Variants in KDM1A observed in about 807,000 individuals in gnomAD.
KDM1A encodes lysine-specific histone demethylase 1A.
KDM1A carries 49 observed loss-of-function variants against 109.4 expected under a neutral mutation model. The ratio of observed to expected loss-of-function variants is 0.45; its 90% CI spans 0.36 to 0.57. The LOEUF is 0.57. KDM1A is among the 20% of genes least tolerant of loss of function. The probability of loss-of-function intolerance (pLI) is 0.00; values close to 1 mark genes in which losing one functional copy is unlikely to be tolerated. For synonymous variants in KDM1A, 380 were observed against 415.4 expected (o/e 0.91, Z 1.04); for missense variants, 668 against 1,116.6 (o/e 0.60, Z 5.73).
At chr1:23,024,309 C>T (rs532393166) in intron 1 of KDM1A, among the ~76,000 whole-genome samples, 22 of 152,230 alleles carry the variant, frequency 1.4e-4, no homozygotes, top group African/African-American at 5.1e-4. Flanking sequence ...ACTATCCAGT[C>T]TTGGGATCCA....
At chr1:23,036,534 C>T (rs1557517013) in intron 2 of KDM1A, among the ~76,000 whole-genome samples, 1 of 131,408 alleles carries the variant, frequency 7.6e-6, no homozygotes, top group Non-Finnish European at 1.6e-5. Context: ...AAATACCTTA[C>T]TGGAGGGCTG....
chr1:23,055,018 T>C lies in KDM1A; in HGVS notation c.791-51T>C, dbSNP rs564982198. The C allele has an allele frequency of 1.4e-4, 166 of 1,147,654 alleles. 5 individuals are homozygous for C. In the South Asian group the frequency reaches 2.1e-3, roughly 15 times the overall value. The allele number at this position is 1,147,654 out of a possible 1,614,324, so 71.1% of individuals were successfully genotyped here. On this transcript the variant is annotated intron_variant, in intron 5 of 20. Coordinates refer to ENST00000400181, the MANE Select transcript of KDM1A (RefSeq NM_001009999.3). ...AGAAATGGAAGAGTTAGAAGAATAT[T>C]GTTTAAACTGCTGAAAATAAAACCG...
In KDM1A at chr1:23,080,463, G is replaced by A. The variant is rs529118354; in HGVS notation, c.2170+796G>A. On this transcript the variant is annotated intron_variant, in intron 18 of 20. Transcript: ENST00000400181. ...AGCCATTCTTACCTGTTGCCTGGAC[G>A]GTTACCAATAGCTACTACTGCTATT... Among the ~76,000 whole-genome samples the A allele has an allele frequency of 4.1e-4, 62 of 152,264 alleles. 2 individuals are homozygous for A. The South Asian group carries it at 0.011, about 26-fold the overall frequency.
intron 1 of KDM1A, among the ~76,000 whole-genome samples, chr1:23,023,524 A>T (rs2124337713): frequency 6.6e-6 from 1 of 152,108 alleles, no homozygotes; most frequent in East Asian, 1.9e-4. Context: ...TTATTTCTGG[A>T]CTCTCAACTC....
chr1:23,030,747 C>T, intron 2 of KDM1A, 113 bp downstream of exon 2: 1 of 1,141,288 alleles, frequency 8.8e-7, no homozygotes. Flanking sequence ...ATAATAAAGT[C>T]TGATATTGAG....
In KDM1A at chr1:23,067,536, T is replaced by C. The variant is rs572029545; in HGVS notation, c.1180-1003T>C. ...TCTGATTGTAAAAGGTCGCTCCTCC[T>C]GAGTCTTAGTGTTTACTAGAATTTG... is the stretch of plus-strand genomic sequence containing the variant. On this transcript the variant is annotated intron_variant, in intron 10 of 20. Transcript: ENST00000400181. 3.9e-5 allele frequency among the ~76,000 whole-genome samples: 6 copies of C among 152,368 alleles called. No homozygotes were observed. The South Asian group carries it at 1.2e-3, about 32-fold the overall frequency.
intron 14 of KDM1A, among the ~76,000 whole-genome samples, chr1:23,072,790 T>C (rs1470536451): frequency 6.6e-6 from 1 of 152,102 alleles, no homozygotes; most frequent in African/African-American, 2.4e-5. Flanking sequence ...GGATTACAGG[T>C]GCCCACCACC....
intron 15 of KDM1A, among the ~76,000 whole-genome samples, chr1:23,075,673 C>T (rs1175993835): frequency 6.6e-6 from 1 of 151,936 alleles, no homozygotes; most frequent in Non-Finnish European, 1.5e-5. Flanking sequence ...ACAGGCTGGG[C>T]ATGGTGGCTC....
chr1:23,060,392 C>A (rs1642965028), intron 9 of KDM1A, among the ~76,000 whole-genome samples: 1 of 152,142 alleles, frequency 6.6e-6, no homozygotes, highest in Admixed American at 6.5e-5. Context: ...TGTCCCATTC[C>A]TGCACTTTTG....
At chr1:23,048,433 AT>A (rs1181480511) in intron 3 of KDM1A, among the ~76,000 whole-genome samples, 2 of 150,786 alleles carry the variant, frequency 1.3e-5, no homozygotes, top group Non-Finnish European at 3.0e-5. Context: ...TTTATTTTTT[AT>A]TTTTTTTACC....
chr1:23,077,413 A>G (rs1643498260), intron 16 of KDM1A, 53 bp downstream of exon 16: 1 of 1,564,368 alleles, frequency 6.4e-7, no homozygotes, highest in Admixed American at 1.8e-5. Flanking sequence ...AACAGGACTG[A>G]TCTTTTGTTA....
intron 16 of KDM1A, among the ~76,000 whole-genome samples, chr1:23,078,525 C>T (rs545840338): frequency 5.9e-5 from 9 of 152,320 alleles, no homozygotes; most frequent in African/African-American, 1.7e-4. Context: ...AAGCATAGCA[C>T]GCTCCACAGT....
At chr1:23,081,274 A>G (rs528491130) in intron 18 of KDM1A, 172 bp from the exon 19 acceptor site, 118 of 704,958 alleles carry the variant, frequency 1.7e-4, no homozygotes, top group African/African-American at 1.6e-3. Flanking sequence ...TCTGGCGACA[A>G]AGAGTTCTGT....
At chr1:23,057,612 A>G in intron 8 of KDM1A, 47 bp downstream of exon 8, 3 of 1,389,282 alleles carry the variant, frequency 2.2e-6, no homozygotes, top group Non-Finnish European at 3.0e-6. Flanking sequence ...TCTAAGACTC[A>G]TAAAAGAAAT....
chr1:23,024,331 C>T (rs1264626274), intron 1 of KDM1A, among the ~76,000 whole-genome samples: 1 of 152,114 alleles, frequency 6.6e-6, no homozygotes, highest in African/African-American at 2.4e-5. Context: ...AGGAAACAGA[C>T]TTTAGAGGAT....
In KDM1A at chr1:23,079,670, A is replaced by G; in HGVS notation, c.2170+3A>G. On this transcript the variant is annotated splice_donor_region_variant and intron_variant, in intron 18 of 20. Transcript: ENST00000400181. This position sits in a 1 kb window ranked among gnomAD's most constrained non-coding sequence, Gnocchi z 5.6. The stretch of plus-strand genomic sequence containing the variant: ...CCTCTTCTGGAACCTCTATAAAGGT[A>G]AATGCCTTCTAATTTTAATCTTTTC... The G allele has an allele frequency of 6.4e-7, 1 of 1,562,418 alleles. No individual in the cohort carries two copies. Among genetic ancestry groups the G allele is most frequent in the South Asian group, 1.2e-5 (1 of 86,624 alleles).
chr1:23,082,000 T>TC (rs1643632975), intron 19 of KDM1A: 1 of 517,902 alleles, frequency 1.9e-6, no homozygotes, highest in African/African-American at 1.9e-5. Flanking sequence ...ATCTCTGGAT[T>TC]CATAGACAGG....
chr1:23,055,991 C>T lies in KDM1A; in HGVS notation c.943C>T (p.Arg315Ter). 1 of 1,612,766 alleles carries T rather than the reference C, an allele frequency of 6.2e-7. No individual in the cohort carries two copies. The highest frequency in any genetic ancestry group is 8.5e-7 in the Non-Finnish European group (1 of 1,179,310). Reference protein sequence around the residue: ...GSGVSGLAAARQLQSFGMDVT... With the variant: ...GSGVSGLAAA The stretch of plus-strand genomic sequence containing the variant: ...TGGGGTCTCAGGCTTGGCAGCAGCT[C>T]GACAGTTACAAAGTTTTGGAATGGA... The change falls in exon 7 of 21, where the codon CGA (arginine) becomes TGA (stop). Residue 315 changes from arginine (R) to a stop codon, truncating the protein, a stop_gained. Coordinates refer to ENST00000400181, the MANE Select transcript of KDM1A (RefSeq NM_001009999.3). LOFTEE classifies it high-confidence loss of function.
chr1:23,069,211 A>G, intron 12 of KDM1A, 60 bp downstream of exon 12: 1 of 1,091,306 alleles, frequency 9.2e-7, no homozygotes, highest in Non-Finnish European at 1.3e-6. Flanking sequence ...AAGTCTTTAG[A>G]AATTTTAAAA....
Sources: gnomAD v4.1 joint callset for allele counts (sites outside exome capture counted in the v4.1 genomes callset) on GRCh38, gnomAD v4.1.1 for gene constraint, Gnocchi (gnomAD v3.1) non-coding constraint, MANE v1.5 for transcripts, NCBI Gene and HGNC (gene_info 2026-07-23, HGNC 2026-07-21) for gene names.